Variants in LIN7A observed in about 807,000 individuals in gnomAD.
LIN7A encodes the protein lin-7 cell polarity scaffold A, also known as protein lin-7 homolog A.
LIN7A carries 25 observed loss-of-function variants against 29.8 expected under a neutral mutation model. The observed-to-expected ratio is 0.84, with a 90% CI of 0.61 to 1.17. The LOEUF (loss-of-function observed/expected upper bound fraction) is 1.17, where lower values mean the gene tolerates loss of function less well. Among genes scored for constraint, LIN7A ranks in the 50% most tolerant of loss-of-function variants. LIN7A has a pLI of 0.00. For missense variants in LIN7A, 239 were observed against 287.0 expected (o/e 0.83, Z 1.21); for synonymous variants, 118 against 107.5 (o/e 1.10, Z -0.60).
At chr12:80,906,814 C>T (rs941866254) in intron 1 of LIN7A, among the ~76,000 whole-genome samples, 3 of 151,902 alleles carry the variant, frequency 2.0e-5, no homozygotes, top group African/African-American at 7.3e-5. Context: ...ATCCCTTGAA[C>T]CTAAAATGAA....
At chr12:80,916,252 T>C (rs1877025691) in intron 1 of LIN7A, among the ~76,000 whole-genome samples, 1 of 152,198 alleles carries the variant, frequency 6.6e-6, no homozygotes, top group African/African-American at 2.4e-5. Flanking sequence ...ATCATGTCAC[T>C]AATCCACAAA....
intron 4 of LIN7A, chr12:80,832,710 T>C (rs2121528643): frequency 2.3e-6 from 1 of 431,110 alleles, no homozygotes; most frequent in South Asian, 1.7e-5. Context: ...GATGCTATGA[T>C]TTGGTAGAAG....
At chr12:80,881,998 T>C (rs1875068908) in intron 2 of LIN7A, among the ~76,000 whole-genome samples, 1 of 152,150 alleles carries the variant, frequency 6.6e-6, no homozygotes, top group Admixed American at 6.5e-5. Context: ...TCTTAACTTC[T>C]TGTCATCTAA....
At chr12:80,879,645 CAAAAAAAA>C (rs530877505) in intron 2 of LIN7A, among the ~76,000 whole-genome samples, 7 of 58,742 alleles carry the variant, frequency 1.2e-4, no homozygotes, top group Admixed American at 2.8e-4. Flanking sequence ...TGGAGCAGCC[CAAAAAAAA>C]AAAAAAAAAA....
At chr12:80,888,546 T>A (rs1421871058) in intron 2 of LIN7A, among the ~76,000 whole-genome samples, 2 of 152,174 alleles carry the variant, frequency 1.3e-5, no homozygotes, top group African/African-American at 4.8e-5. Context: ...AATGGATTTA[T>A]GGACTTTAGG....
chr12:80,874,527 G>A (rs1874586038), intron 2 of LIN7A, among the ~76,000 whole-genome samples: 1 of 152,100 alleles, frequency 6.6e-6, no homozygotes, highest in Non-Finnish European at 1.5e-5. Flanking sequence ...AATACCATAA[G>A]ACAATACATT....
At chr12:80,885,663 T>G (rs1468880243) in intron 2 of LIN7A, among the ~76,000 whole-genome samples, 1 of 152,120 alleles carries the variant, frequency 6.6e-6, no homozygotes, top group Non-Finnish European at 1.5e-5. Flanking sequence ...TAGTTGTGTA[T>G]GTAGATGGTC....
chr12:80,919,790 A>G (rs1057057664), intron 1 of LIN7A, among the ~76,000 whole-genome samples: 11 of 152,184 alleles, frequency 7.2e-5, no homozygotes, highest in African/African-American at 2.4e-4. Flanking sequence ...AGACCAAAGA[A>G]AGGCAGGATC....
chr12:80,914,602 T>C (rs954860802), intron 1 of LIN7A, among the ~76,000 whole-genome samples: 3 of 152,224 alleles, frequency 2.0e-5, no homozygotes, highest in Non-Finnish European at 4.4e-5. Flanking sequence ...TTCATGACTT[T>C]CTTCATATTG....
chr12:80,894,573 A>C (rs926648326), intron 1 of LIN7A, among the ~76,000 whole-genome samples: 4 of 152,184 alleles, frequency 2.6e-5, no homozygotes, highest in Non-Finnish European at 5.9e-5. Flanking sequence ...GGGTAACTGA[A>C]ATTTTGGAAA....
chr12:80,905,497 A>G (rs1237438887), intron 1 of LIN7A, among the ~76,000 whole-genome samples: 1 of 152,206 alleles, frequency 6.6e-6, no homozygotes, highest in East Asian at 1.9e-4. Flanking sequence ...ACAAACATAT[A>G]TAATATATAT....
At chr12:80,833,867 A>G (rs1413863942) in intron 4 of LIN7A, among the ~76,000 whole-genome samples, 1 of 152,172 alleles carries the variant, frequency 6.6e-6, no homozygotes, top group Non-Finnish European at 1.5e-5. Context: ...AATTTTCGCT[A>G]CACTGTCCAC....
chr12:80,848,017 T>G, intron 3 of LIN7A: 1 of 625,578 alleles, frequency 1.6e-6, no homozygotes, highest in African/African-American at 1.8e-5. Flanking sequence ...CAAATGGACA[T>G]TAAGTGAGTT....
At chr12:80,831,865 T>C (rs540991946) in intron 4 of LIN7A, among the ~76,000 whole-genome samples, 8 of 152,152 alleles carry the variant, frequency 5.3e-5, no homozygotes, top group Non-Finnish European at 1.2e-4. Flanking sequence ...AAATAATAAT[T>C]ATCATGTAAT....
chr12:80,814,124 C>T (rs1871421576), intron 4 of LIN7A, among the ~76,000 whole-genome samples: 2 of 152,140 alleles, frequency 1.3e-5, no homozygotes, highest in Non-Finnish European at 1.5e-5. Flanking sequence ...GATTTGGAGA[C>T]TTAAGGGATC....
At chr12:80,862,840 A>G (rs1048423812) in intron 2 of LIN7A, among the ~76,000 whole-genome samples, 2 of 152,192 alleles carry the variant, frequency 1.3e-5, no homozygotes, top group Admixed American at 6.5e-5. Context: ...GAGTGCATAC[A>G]TTAGATGACT....
rs1870932471 is a variant in LIN7A at position 80,805,479 on chromosome 12, A to T, written c.*5986T>A. Among the ~76,000 whole-genome samples, 3 of 152,198 alleles carry T rather than the reference A, an allele frequency of 2.0e-5. No homozygotes were observed. In the South Asian group the frequency reaches 6.2e-4, roughly 32 times the overall value. ...CCAGCAACTTTGTAAATTTAATAAGATACAGGCTGGTTTTGACTGGAATGA... is the reference window on the plus strand; with the variant it reads ...CCAGCAACTTTGTAAATTTAATAAGTTACAGGCTGGTTTTGACTGGAATGA... On this transcript the variant is annotated intron_variant, in intron 5 of 5. Coordinates refer to ENST00000552864, the MANE Select transcript of LIN7A (RefSeq NM_004664.4).
At chr12:80,883,262 C>G (rs1234528695) in intron 2 of LIN7A, among the ~76,000 whole-genome samples, 1 of 152,092 alleles carries the variant, frequency 6.6e-6, no homozygotes, top group East Asian at 1.9e-4. Context: ...AATTCTGAAT[C>G]TAAGTTGTAT....
chr12:80,866,153 C>G (rs1874125492), intron 2 of LIN7A, among the ~76,000 whole-genome samples: 1 of 152,064 alleles, frequency 6.6e-6, no homozygotes, highest in Non-Finnish European at 1.5e-5. Context: ...TCTTCAAAGA[C>G]TAAATTTAAT....
Sources: allele counts gnomAD v4.1 joint callset (sites outside exome capture counted in the v4.1 genomes callset), GRCh38; gene constraint gnomAD v4.1.1; transcripts MANE v1.5; gene names NCBI Gene and HGNC (gene_info 2026-07-23, HGNC 2026-07-21).